The following CACNA2D3 variants were observed in gnomAD, a reference collection of about 807,000 sequenced individuals.
The protein encoded by CACNA2D3 is calcium voltage-gated channel auxiliary subunit alpha2delta 3.
In CACNA2D3, 60 loss-of-function variants were observed where a neutral mutation model predicts 160.6. That is an observed-to-expected ratio of 0.37 (90% CI 0.30 to 0.46). The LOEUF is 0.46. Among genes scored for constraint, CACNA2D3 ranks in the 20% least tolerant of loss-of-function variants. CACNA2D3 has a pLI of 1.00. For missense variants in CACNA2D3, 1,205 were observed against 1,365.0 expected (o/e 0.88, Z 1.85); for synonymous variants, 558 against 492.9 (o/e 1.13, Z -1.75).
chr3:54,423,166 T>C (rs1196392713), intron 4 of CACNA2D3, among the ~76,000 whole-genome samples: 1 of 152,160 alleles, frequency 6.6e-6, no homozygotes, highest in Non-Finnish European at 1.5e-5. Flanking sequence ...AAAAAGTCTG[T>C]TGATGACATC....
intron 13 of CACNA2D3, among the ~76,000 whole-genome samples, chr3:54,765,236 G>A (rs559239681): frequency 6.6e-6 from 1 of 152,214 alleles, no homozygotes; most frequent in East Asian, 1.9e-4. Context: ...CTCAGGGCAG[G>A]AAAAGCATGT....
intron 5 of CACNA2D3, among the ~76,000 whole-genome samples, chr3:54,542,390 C>T (rs1365981393): frequency 2.0e-5 from 3 of 152,042 alleles, no homozygotes; most frequent in Non-Finnish European, 2.9e-5. Flanking sequence ...AGAATTAACT[C>T]ACATAGGCAC....
At chr3:55,026,614 G>A (rs954619792) in intron 35 of CACNA2D3, among the ~76,000 whole-genome samples, 10 of 152,136 alleles carry the variant, frequency 6.6e-5, no homozygotes, top group South Asian at 2.1e-4. Flanking sequence ...ATGCACACCC[G>A]GGCAGAGAGA....
rs536950244 is a variant in CACNA2D3, at chr3:54,914,692, T to C, written c.2449+14824T>C. Among the ~76,000 whole-genome samples, 3 of 152,314 alleles carry C rather than the reference T, an allele frequency of 2.0e-5. No homozygotes were observed. In the East Asian group the frequency reaches 5.8e-4, roughly 29 times the overall value. ...GGTTTCTTTGAGACTGCATTGCAAT[T>C]TGAGTCTAAAAAATAAAGCATTTTA... is the stretch of plus-strand genomic sequence containing the variant. On this transcript the variant is annotated intron_variant, in intron 27 of 37. Coordinates refer to ENST00000474759, the MANE Select transcript of CACNA2D3 (RefSeq NM_018398.3).
At chr3:54,969,965 T>TTA in intron 29 of CACNA2D3, 121 bp downstream of exon 29, 1 of 483,862 alleles carries the variant, frequency 2.1e-6, no homozygotes, top group Non-Finnish European at 3.5e-6. Flanking sequence ...TGGGCCAATC[T>TTA]AAAAAAAAAA....
intron 13 of CACNA2D3, among the ~76,000 whole-genome samples, chr3:54,816,248 G>A: frequency 6.6e-6 from 1 of 152,094 alleles, no homozygotes; most frequent in African/African-American, 2.4e-5. Flanking sequence ...AAGAAAAATT[G>A]ACTTTAAAAA....
At chr3:54,894,493 A>G in intron 25 of CACNA2D3, 1 of 455,328 alleles carries the variant, frequency 2.2e-6, no homozygotes, top group Non-Finnish European at 4.4e-6. Flanking sequence ...ACCACTTCAT[A>G]CCTTCTAACC....
Position 54,367,624 on chromosome 3 carries a change from G to A in CACNA2D3, c.322-19091G>A, listed in dbSNP as rs1257190757. 3.0e-5 allele frequency: 10 copies of A among 337,276 alleles called. 1 individual carries two copies. Among genetic ancestry groups the A allele is most frequent in the South Asian group, 2.3e-4 (10 of 44,280 alleles). 20.9% of individuals were successfully genotyped at this position (337,276 alleles called of 1,614,324 possible). ...AGCACAGCCTTACAGGGGCTTGAAC[G>A]ACCCCTGGCCACAAGCTCTGCCCAT... On this transcript the variant is annotated intron_variant, in intron 3 of 37. Coordinates refer to ENST00000474759, the MANE Select transcript of CACNA2D3 (RefSeq NM_018398.3).
intron 4 of CACNA2D3, among the ~76,000 whole-genome samples, chr3:54,415,040 TG>T (rs1428694285): frequency 1.3e-5 from 2 of 152,108 alleles, no homozygotes; most frequent in East Asian, 3.8e-4. Context: ...AGGGGGCATT[TG>T]GGGACACCAG....
intron 11 of CACNA2D3, among the ~76,000 whole-genome samples, chr3:54,685,752 T>A (rs148662878): frequency 2.0e-3 from 298 of 152,348 alleles, no homozygotes; most frequent in Non-Finnish European, 3.5e-3. Context: ...AGACTTCTTG[T>A]TCATAGAGAC....
chr3:54,128,440 A>G (rs1699641905), intron 2 of CACNA2D3, among the ~76,000 whole-genome samples: 1 of 152,062 alleles, frequency 6.6e-6, no homozygotes, highest in Admixed American at 6.5e-5. Flanking sequence ...TCAGCCTTGG[A>G]TTTATCTCCA....
At chr3:54,879,183 G>T (rs1014041300) in intron 19 of CACNA2D3, 94 bp downstream of exon 19, 1 of 921,226 alleles carries the variant, frequency 1.1e-6, no homozygotes, top group Non-Finnish European at 1.6e-6. Context: ...AATATCTTTC[G>T]CTGAGATCAT....
At chr3:54,741,268 T>G (rs1701642236) in intron 11 of CACNA2D3, among the ~76,000 whole-genome samples, 1 of 152,168 alleles carries the variant, frequency 6.6e-6, no homozygotes, top group Admixed American at 6.5e-5. Flanking sequence ...TCTGTTCTAT[T>G]TTTCTCTCTT....
intron 11 of CACNA2D3, among the ~76,000 whole-genome samples, chr3:54,658,575 A>G (rs1278988787): frequency 6.6e-6 from 1 of 152,220 alleles, no homozygotes; most frequent in Non-Finnish European, 1.5e-5. Flanking sequence ...TTAAACCCGT[A>G]TCAGATAAAT....
intron 5 of CACNA2D3, among the ~76,000 whole-genome samples, chr3:54,540,632 T>A (rs1460933649): frequency 6.6e-6 from 1 of 152,254 alleles, no homozygotes; most frequent in African/African-American, 2.4e-5. Flanking sequence ...TTTTCCTAGT[T>A]TGCAGTTGGC....
At chr3:54,923,678 G>A (rs1301913411) in intron 27 of CACNA2D3, among the ~76,000 whole-genome samples, 1 of 152,174 alleles carries the variant, frequency 6.6e-6, no homozygotes, top group Non-Finnish European at 1.5e-5. Context: ...AATGAATCAT[G>A]CTGAGAGCTA....
At chr3:54,603,154 A>G (rs1703095191) in intron 9 of CACNA2D3, among the ~76,000 whole-genome samples, 1 of 152,256 alleles carries the variant, frequency 6.6e-6, no homozygotes, top group African/African-American at 2.4e-5. Context: ...GGACACAGGC[A>G]GAATCAATTA....
At chr3:55,001,869 A>C (rs1702985680) in intron 31 of CACNA2D3, among the ~76,000 whole-genome samples, 1 of 152,164 alleles carries the variant, frequency 6.6e-6, no homozygotes, top group South Asian at 2.1e-4. Flanking sequence ...TCAAGAATGC[A>C]CCCTGGAGGC....
chr3:54,532,961 T>C (rs1701828227), intron 5 of CACNA2D3, among the ~76,000 whole-genome samples: 2 of 152,204 alleles, frequency 1.3e-5, no homozygotes, highest in Non-Finnish European at 2.9e-5. Flanking sequence ...CCAGCATCTG[T>C]TATTTTTTTG....
Sources: allele counts gnomAD v4.1 joint callset (sites outside exome capture counted in the v4.1 genomes callset), GRCh38; gene constraint gnomAD v4.1.1; transcripts MANE v1.5; gene names NCBI Gene and HGNC (gene_info 2026-07-23, HGNC 2026-07-21).